The following SVIL variants were observed in gnomAD, a reference collection of about 807,000 sequenced individuals.
SVIL encodes supervillin.
Under a neutral mutation model 240.4 loss-of-function variants are expected in SVIL, and 101 were observed. That is an observed-to-expected ratio of 0.42 (90% CI 0.36 to 0.50). The LOEUF is 0.50. SVIL is among the 20% of genes least tolerant of loss of function. SVIL has a pLI of 0.01. For synonymous variants in SVIL, 999 were observed against 1,100.0 expected (o/e 0.91, Z 1.82); for missense variants, 2,512 against 2,818.7 (o/e 0.89, Z 2.46).
chr10:29,578,065 A>G (rs1955782514), intron 1 of SVIL, among the ~76,000 whole-genome samples: 1 of 152,230 alleles, frequency 6.6e-6, no homozygotes, highest in Non-Finnish European at 1.5e-5. Flanking sequence ...GTGCATATAG[A>G]AGACTGGGTA....
At position 29,694,969 on chromosome 10, in the gene SVIL, C is replaced by T. The variant is rs138346774; in HGVS notation, c.-399-8318G>A. 6.5e-3 allele frequency among the ~76,000 whole-genome samples: 993 copies of T among 152,258 alleles called. 10 individuals are homozygous for T. Among genetic ancestry groups the T allele is most frequent in the African/African-American group, 0.023 (937 of 41,558 alleles). On this transcript the variant is annotated intron_variant, in intron 1 of 35. Transcript: ENST00000375400. ...AGTTATCTCTCTCTGCAGGGTTGAG[C>T]GCTCCTCCATTCTGCATGCCTCGCA...
intron 12 of SVIL, among the ~76,000 whole-genome samples, chr10:29,528,675 C>T (rs1359168016): frequency 6.6e-6 from 1 of 151,984 alleles, no homozygotes; most frequent in Non-Finnish European, 1.5e-5. Flanking sequence ...GAGGTTGAGG[C>T]TGTAATGAGC....
chr10:29,702,103 A>G (rs1271929990), intron 1 of SVIL, among the ~76,000 whole-genome samples: 3 of 134,132 alleles, frequency 2.2e-5, no homozygotes, highest in Non-Finnish European at 4.6e-5. Flanking sequence ...TGAACCCGGG[A>G]GGTGGAGATT....
chr10:29,693,069 G>T (rs79354964), intron 1 of SVIL, among the ~76,000 whole-genome samples: 1 of 152,092 alleles, frequency 6.6e-6, no homozygotes, highest in Non-Finnish European at 1.5e-5. Flanking sequence ...GGCATAAATG[G>T]GTTAATGGCA....
rs1333682654 is a variant in SVIL at position 29,522,434 on chromosome 10, C to T, written c.3365G>A (p.Ser1122Asn). 2.5e-6 allele frequency: 4 copies of T among 1,614,168 alleles called. No individual in the cohort carries two copies. In the Admixed American group the frequency reaches 5.0e-5, roughly 20 times the overall value. ...CCTTTCTTTAATAGACATGGTTTTG[C>T]TGGGTGAGTCAAGAAGGCCCTCCCC... ...PTGEGLLDSP[S>N]KTMSIKERLA... is the part of the protein sequence containing the mutation. Residue 1122 changes from serine (S) to asparagine (N), a missense_variant, in exon 16 of 38, where the codon AGC (serine) becomes AAC (asparagine). Coordinates refer to ENST00000355867, the MANE Select transcript of SVIL (RefSeq NM_021738.3).
At chr10:29,506,684 G>C (rs1949330919) in intron 17 of SVIL, among the ~76,000 whole-genome samples, 1 of 150,550 alleles carries the variant, frequency 6.6e-6, no homozygotes, top group Non-Finnish European at 1.5e-5. Context: ...GCCCTATGAG[G>C]GAGGGGACAG....
At chr10:29,622,454 A>C (rs1957698327) in intron 1 of SVIL, among the ~76,000 whole-genome samples, 1 of 151,994 alleles carries the variant, frequency 6.6e-6, no homozygotes, top group South Asian at 2.1e-4. Context: ...GGAGGAAAAT[A>C]CATGATATCC....
Position 29,529,698 on chromosome 10 carries a change from C to A in SVIL, c.2246+7G>T. 6.3e-7 allele frequency: 1 copy of A among 1,595,158 alleles called. No individual in the cohort carries two copies. Among genetic ancestry groups the A allele is most frequent in the Non-Finnish European group, 8.5e-7 (1 of 1,173,842 alleles). ...AGACAAGGCTGAGAAGTCCTGTGGG[C>A]ACTTACGTGGCTGCGATGACCACCT... On this transcript the variant is annotated splice_region_variant and intron_variant, in intron 12 of 37. Transcript: ENST00000355867.
At chr10:29,637,357 C>G (rs1277819977), upstream of SVIL, among the ~76,000 whole-genome samples, 3 of 152,000 alleles carry the variant, frequency 2.0e-5, no homozygotes, top group Non-Finnish European at 2.9e-5. Flanking sequence ...CGTGGTGGTG[C>G]ACACCTGTAA....
intron 1 of SVIL, among the ~76,000 whole-genome samples, chr10:29,624,345 C>T (rs1028897595): frequency 1.3e-5 from 2 of 152,074 alleles, no homozygotes; most frequent in Non-Finnish European, 2.9e-5. Flanking sequence ...CAAGACCAGC[C>T]TGGCCAACAT....
In SVIL at chr10:29,529,898, C is replaced by T. The variant is rs3780843; in HGVS notation, c.2107-54G>A. ...ATAAATTCAAGGAAAGAGCTGGGCACGGTGGCTCACGCCTGTAATCCCAGC... is the reference window on the plus strand; with the variant it reads ...ATAAATTCAAGGAAAGAGCTGGGCATGGTGGCTCACGCCTGTAATCCCAGC... On this transcript the variant is annotated intron_variant, in intron 11 of 37. Coordinates refer to ENST00000355867, the MANE Select transcript of SVIL (RefSeq NM_021738.3). 480,197 of 1,529,460 alleles carry T rather than the reference C, an allele frequency of 0.31. 77,020 individuals are homozygous for T. The highest frequency in any genetic ancestry group is 0.33 in the African/African-American group (23,926 of 72,020). 94.7% of individuals were successfully genotyped at this position (1,529,460 alleles called of 1,614,324 possible).
chr10:29,723,665 A>G (rs796462895), intron 1 of SVIL, among the ~76,000 whole-genome samples: 15 of 152,292 alleles, frequency 9.8e-5, no homozygotes, highest in African/African-American at 3.6e-4. Context: ...CATCTTTTAA[A>G]TAGTCATTCT....
At chr10:29,508,146 A>G (rs1173898821) in intron 17 of SVIL, 2 of 325,506 alleles carry the variant, frequency 6.1e-6, no homozygotes, top group African/African-American at 2.2e-5. Context: ...TCTTTAAAGT[A>G]TCTTCATTAC....
chr10:29,588,754 G>A (rs1185449136), intron 1 of SVIL, among the ~76,000 whole-genome samples: 2 of 152,138 alleles, frequency 1.3e-5, no homozygotes, highest in Admixed American at 6.5e-5. Context: ...GACCTCACAG[G>A]CTTAGGGTAC....
chr10:29,555,874 G>A (rs752976935), intron 3 of SVIL, among the ~76,000 whole-genome samples: 1 of 152,232 alleles, frequency 6.6e-6, no homozygotes, highest in African/African-American at 2.4e-5. Context: ...GTCAATGGCT[G>A]TAACTATCTG....
chr10:29,486,568 G>A lies in SVIL; in HGVS notation c.4486-11C>T. 1 of 1,614,116 alleles carries A rather than the reference G, an allele frequency of 6.2e-7. No individual in the cohort carries two copies. Among genetic ancestry groups the A allele is most frequent in the Non-Finnish European group, 8.5e-7 (1 of 1,180,012 alleles). On this transcript the variant is annotated splice_polypyrimidine_tract_variant and intron_variant, in intron 24 of 37. Coordinates refer to ENST00000355867, the MANE Select transcript of SVIL (RefSeq NM_021738.3). Reference sequence around the variant, plus strand: ...TGCAAGTTCTGAGGCCTAAAAAAGAGAGGAACACAATTGCCTGGGTAGAAA... The same window carrying A: ...TGCAAGTTCTGAGGCCTAAAAAAGAAAGGAACACAATTGCCTGGGTAGAAA...
At chr10:29,622,308 T>C (rs112384474) in intron 1 of SVIL, among the ~76,000 whole-genome samples, 1 of 148,140 alleles carries the variant, frequency 6.8e-6, no homozygotes, top group African/African-American at 2.5e-5. Flanking sequence ...CAATCTCTCG[T>C]TTTTCAGGTG....
chr10:29,480,530 C>A lies in SVIL; in HGVS notation c.5377+7G>T. ...TCAGCTGGAAAAAACCACAAGCGCT[C>A]ACTAACCTGCCGTGCTCACCATGAA... On this transcript the variant is annotated splice_region_variant and intron_variant, in intron 29 of 37. Transcript: ENST00000355867. The A allele has an allele frequency of 6.2e-7, 1 of 1,610,362 alleles. No individual in the cohort carries two copies. The highest frequency in any genetic ancestry group is 8.5e-7 in the Non-Finnish European group (1 of 1,178,104).
chr10:29,614,771 T>A (rs1957371706), intron 1 of SVIL, among the ~76,000 whole-genome samples: 1 of 152,148 alleles, frequency 6.6e-6, no homozygotes, highest in South Asian at 2.1e-4. Context: ...GTAACAAACC[T>A]GCATGTTCTG....
Sources: allele counts gnomAD v4.1 joint callset (sites outside exome capture counted in the v4.1 genomes callset), GRCh38; gene constraint gnomAD v4.1.1; transcripts MANE v1.5; gene names NCBI Gene and HGNC (gene_info 2026-07-23, HGNC 2026-07-21).